ARHGAP45: variants seen among roughly 807,000 people sequenced by gnomAD.
ARHGAP45 encodes Rho GTPase activating protein 45.
In ARHGAP45, 56 loss-of-function variants were observed where a neutral mutation model predicts 116.1. That is an observed-to-expected ratio of 0.48 (90% CI 0.39 to 0.60). The LOEUF (loss-of-function observed/expected upper bound fraction) is 0.60. Ranked by LOEUF, ARHGAP45 falls within the 20% of genes least tolerant of loss-of-function variation. The pLI is 0.00. For missense variants in ARHGAP45, 1,622 were observed against 1,601.0 expected (o/e 1.01, Z -0.22); for synonymous variants, 866 against 701.7 (o/e 1.23, Z -3.70).
At chr19:1,074,757 G>A (rs1305360162) in intron 9 of ARHGAP45, 33 bp downstream of exon 9, 1 of 1,596,888 alleles carries the variant, frequency 6.3e-7, no homozygotes, top group Admixed American at 1.7e-5. Flanking sequence ...GGCTGGGCGG[G>A]GGTGTCACCG....
At position 1,083,078 on chromosome 19, in the gene ARHGAP45, C is replaced by T. The variant is rs910125453; in HGVS notation, c.2744+12C>T. 12 of 1,557,084 alleles carry T rather than the reference C, an allele frequency of 7.7e-6. No individual in the cohort carries two copies. Among genetic ancestry groups the T allele is most frequent in the African/African-American group, 5.4e-5 (4 of 73,790 alleles). On this transcript the variant is annotated intron_variant, in intron 20 of 22. Coordinates refer to ENST00000313093, the MANE Select transcript of ARHGAP45 (RefSeq NM_012292.5). The stretch of plus-strand genomic sequence containing the variant: ...CGTCACCTACGCAGGTGAGTCCCGG[C>T]ATATGGAGTGGAGGGCGCGGGGTCC...
In ARHGAP45 at chr19:1,081,978, G is replaced by T. The variant is rs771891967; in HGVS notation, c.2517+17G>T. On this transcript the variant is annotated intron_variant, in intron 19 of 22. Transcript: ENST00000313093. Reference sequence around the variant, plus strand: ...CTGCGTCAGGTGAGACCCACCGGTGGTGGCCAGGCAGAGCCTGGAAGGGGC... The same window carrying T: ...CTGCGTCAGGTGAGACCCACCGGTGTTGGCCAGGCAGAGCCTGGAAGGGGC... 2 of 1,605,696 alleles carry T rather than the reference G, an allele frequency of 1.2e-6. No individual in the cohort carries two copies. Among genetic ancestry groups the T allele is most frequent in the Non-Finnish European group, 1.7e-6 (2 of 1,176,506 alleles).
chr19:1,082,911 A>G lies in ARHGAP45; in HGVS notation c.2589A>G (p.Ala863=), dbSNP rs773601777. The change falls in exon 20 of 23, where the codon GCA becomes GCG. Residue 863 remains alanine (A), a synonymous_variant. Coordinates refer to ENST00000313093, the MANE Select transcript of ARHGAP45 (RefSeq NM_012292.5). ...GGCTGGCCAAGGACAGCCTGAAGGC[A>G]GAGGCCGAGGCCAAGGCGGCGTCCC... ...LVGLAKDSLK[A]EAEAKAASRG... 5 of 1,595,524 alleles carry G rather than the reference A, an allele frequency of 3.1e-6. No individual in the cohort carries two copies. The highest frequency in any genetic ancestry group is 4.3e-6 in the Non-Finnish European group (5 of 1,172,342).
At position 1,068,973 on chromosome 19, in the gene ARHGAP45, G is replaced by A. The variant is rs1345457307; in HGVS notation, c.421+229G>A. Among the ~76,000 whole-genome samples the A allele has an allele frequency of 6.6e-6, 1 of 151,866 alleles. No homozygotes were observed. The highest frequency in any genetic ancestry group is 1.9e-4 in the East Asian group (1 of 5,178). On this transcript the variant is annotated intron_variant, in intron 2 of 22. Transcript: ENST00000313093. This position sits in a 1 kb window ranked among gnomAD's most constrained non-coding sequence, Gnocchi z 7.5. ...GGGTGCCCACTTTATTTTTTTTAAA[G>A]GATCTGATGGCAATTAGGAGGGAAA...
chr19:1,073,622 G>T, intron 4 of ARHGAP45, 32 bp downstream of exon 4: 1 of 1,612,776 alleles, frequency 6.2e-7, no homozygotes, highest in Non-Finnish European at 8.5e-7. Context: ...GCAGGGCAAG[G>T]GAGCGTGGGG....
chr19:1,067,804 T>C, intron 1 of ARHGAP45: 2 of 612,866 alleles, frequency 3.3e-6, no homozygotes, highest in Non-Finnish European at 5.9e-6. Context: ...GTTGGGGGCT[T>C]AGGCAATCTG....
At position 1,068,739 on chromosome 19, in the gene ARHGAP45, G is replaced by C. The variant is rs1801284; in HGVS notation, c.416G>C (p.Arg139Pro). ...GAGAAACTTAAGGAGTGTGTGTTGC[G>C]TGACGGTGAGAGCCACGGGGACACC... ...GLEKLKECVL[R>P]DDLLEARRPR... is the part of the protein sequence containing the mutation. The change falls in exon 2 of 23, where the codon CGT becomes CCT. Residue 139 changes from arginine to proline, a missense_variant. Physicochemically the swap from Arg to Pro is moderately radical, Grantham distance 103 (BLOSUM62 -2). Coordinates refer to ENST00000313093, the MANE Select transcript of ARHGAP45 (RefSeq NM_012292.5). The surrounding 1 kb of genome is among the most constrained non-coding windows in gnomAD (Gnocchi z 7.5). 2 of 1,610,618 alleles carry C rather than the reference G, an allele frequency of 1.2e-6. No homozygotes were observed. Among genetic ancestry groups the C allele is most frequent in the South Asian group, 2.2e-5 (2 of 91,000 alleles).
rs1568486109 is a variant in ARHGAP45 at position 1,084,264 on chromosome 19, GGTA to G, written c.2985_2987del (p.Val997del). 6 of 1,613,616 alleles carry G rather than the reference GGTA, an allele frequency of 3.7e-6. No homozygotes were observed. The highest frequency in any genetic ancestry group is 1.7e-4 in the Middle Eastern group (1 of 6,002). On this transcript the variant is annotated inframe_deletion, in exon 22 of 23. Transcript: ENST00000313093. ...ACGAGTCATCCAACCAGCGAGCTGA[GGTA>G]GTCGTCCAGGTGCCGTACCTGGAGG...
chr19:1,081,092 G>A lies in ARHGAP45; in HGVS notation c.2190+28G>A, dbSNP rs781613535. On this transcript the variant is annotated intron_variant, in intron 17 of 22. Transcript: ENST00000313093. ...GAGTGGGACGCCCCGACGGACAGCT[G>A]GGAGCCTTCGGGAGCCTTTGGGGTG... 1.0e-5 allele frequency: 16 copies of A among 1,567,878 alleles called. No homozygotes were observed. The East Asian group carries it at 3.7e-4, about 36-fold the overall frequency.
intron 10 of ARHGAP45, chr19:1,077,305 C>A (rs909884842): frequency 2.0e-6 from 2 of 984,694 alleles, no homozygotes; most frequent in South Asian, 9.4e-5. Flanking sequence ...CTCAGCTTCC[C>A]GGGCTGCAGA....
Position 1,080,491 on chromosome 19 carries a change from C to G in ARHGAP45, c.1856C>G (p.Ser619Ter), listed in dbSNP as rs747289949. Residue 619 changes from serine to a stop codon, truncating the protein, a stop_gained, in exon 15 of 23, where the codon TCA (serine) becomes TGA (stop). Coordinates refer to ENST00000313093, the MANE Select transcript of ARHGAP45 (RefSeq NM_012292.5). LOFTEE classifies it high-confidence loss of function. ...RAGRGHQVHK[S>*]WPLSISDSDS... ...GGGCGAGGACACCAGGTTCACAAGT[C>G]ATGGCCGCTCTCGATCTCAGACTCG... 1 of 1,612,972 alleles carries G rather than the reference C, an allele frequency of 6.2e-7. No individual in the cohort carries two copies. Among genetic ancestry groups the G allele is most frequent in the East Asian group, 2.2e-5 (1 of 44,884 alleles).
rs2145005309 is a variant in ARHGAP45, at chr19:1,068,616, C to A, written c.293C>A (p.Ala98Asp). 1 of 1,611,466 alleles carries A rather than the reference C, an allele frequency of 6.2e-7. No individual in the cohort carries two copies. Among genetic ancestry groups the A allele is most frequent in the South Asian group, 1.1e-5 (1 of 91,016 alleles). The change falls in exon 2 of 23, where the codon GCC becomes GAC. Residue 98 changes from alanine (A) to aspartate (D), a missense_variant. Transcript: ENST00000313093. This position sits in a 1 kb window ranked among gnomAD's most constrained non-coding sequence, Gnocchi z 7.5. Reference sequence around the variant, plus strand: ...AGCCACCGGAGCCCACTGACAGCCGCCAGCCCGGGCGAGCTGCCCACCGAG... The same window carrying A: ...AGCCACCGGAGCCCACTGACAGCCGACAGCCCGGGCGAGCTGCCCACCGAG... ...GRSHRSPLTA[A>D]SPGELPTEGA...
intron 15 of ARHGAP45, 50 bp from the exon 16 acceptor site, chr19:1,080,632 A>AG (rs762770636): frequency 1.2e-6 from 2 of 1,604,204 alleles, no homozygotes; most frequent in African/African-American, 1.3e-5. Context: ...GGGGTGATGG[A>AG]GGGGGCCCCC....
chr19:1,085,580 T>C (rs1706629045), intron 22 of ARHGAP45, 80 bp from the exon 23 acceptor site: 9 of 936,690 alleles, frequency 9.6e-6, no homozygotes, highest in South Asian at 1.8e-5. Flanking sequence ...TCTCTCCCCA[T>C]CTCTCCTGTC....
intron 22 of ARHGAP45, among the ~76,000 whole-genome samples, 170 bp downstream of exon 22, chr19:1,084,516 T>C (rs1427227839): frequency 6.6e-6 from 1 of 152,218 alleles, no homozygotes; most frequent in Non-Finnish European, 1.5e-5. Context: ...TCAGTGTCCT[T>C]TAACCGGCTG....
chr19:1,085,631 T>C lies in ARHGAP45; in HGVS notation c.3065-29T>C, dbSNP rs375552414. ...CTCTCCTCCATCTCTCCTGTCTGTCTCCCCCCGCCATCTGTCTCCCTTTCT... is the reference window on the plus strand; with the variant it reads ...CTCTCCTCCATCTCTCCTGTCTGTCCCCCCCCGCCATCTGTCTCCCTTTCT... On this transcript the variant is annotated intron_variant, in intron 22 of 22. Coordinates refer to ENST00000313093, the MANE Select transcript of ARHGAP45 (RefSeq NM_012292.5). 116 of 1,463,528 alleles carry C rather than the reference T, an allele frequency of 7.9e-5. 1 individual carries two copies. In the South Asian group the frequency reaches 9.0e-4, roughly 11 times the overall value. The allele number at this position is 1,463,528 out of a possible 1,614,324, so 90.7% of individuals were successfully genotyped here.
chr19:1,078,204 CACA>C, intron 11 of ARHGAP45, among the ~76,000 whole-genome samples, 159 bp downstream of exon 11: 1 of 149,666 alleles, frequency 6.7e-6, no homozygotes, highest in Non-Finnish European at 1.5e-5. Flanking sequence ...AGTGCAGTGG[CACA>C]GTCTCGGCTC....
intron 1 of ARHGAP45, chr19:1,067,699 G>T: frequency 2.8e-6 from 2 of 705,688 alleles, no homozygotes; most frequent in South Asian, 1.5e-5. Context: ...AGTGGTGGCC[G>T]CCTCCCTCCA....
chr19:1,074,117 CGAG>C lies in ARHGAP45; in HGVS notation c.809_811del (p.Glu270del). ...CGTTCCCTGCAGGCTGCCTGCCCGC[CGAG>C]GAGGTGGACGTGCTGCTACAGCGCT... On this transcript the variant is annotated inframe_deletion, in exon 7 of 23. Transcript: ENST00000313093. 6.2e-7 allele frequency: 1 copy of C among 1,612,518 alleles called. No homozygotes were observed.
Sources: gnomAD v4.1 joint callset for allele counts (sites outside exome capture counted in the v4.1 genomes callset) on GRCh38, gnomAD v4.1.1 for gene constraint, Gnocchi (gnomAD v3.1) non-coding constraint, MANE v1.5 for transcripts, NCBI Gene and HGNC (gene_info 2026-07-23, HGNC 2026-07-21) for gene names.